The following SLC2A9 variants were observed in gnomAD, a reference collection of about 807,000 sequenced individuals.
SLC2A9 encodes solute carrier family 2, facilitated glucose transporter member 9.
SLC2A9 carries 39 observed loss-of-function variants against 50.6 expected under a neutral mutation model. That is an observed-to-expected ratio of 0.77 (90% confidence interval 0.60 to 1.01). The LOEUF (loss-of-function observed/expected upper bound fraction) is 1.01. Among genes scored for constraint, SLC2A9 ranks in the 50% least tolerant of loss-of-function variants. SLC2A9 has a pLI of 0.00. For synonymous variants in SLC2A9, 324 were observed against 276.9 expected, an observed-to-expected ratio of 1.17 and a Z score of -1.69; for missense variants, 686 against 677.6, an observed-to-expected ratio of 1.01 and a Z score of -0.14.
At chr4:9,791,718 T>A (rs1362495703) in intron 3 of SLC2A9, among the ~76,000 whole-genome samples, 1 of 152,106 alleles carries the variant, frequency 6.6e-6, no homozygotes, top group Non-Finnish European at 1.5e-5. Flanking sequence ...AATAATCACA[T>A]GAGGGAGCTT....
chr4:9,918,543 C>T (rs953149696), intron 7 of SLC2A9, among the ~76,000 whole-genome samples: 1 of 152,224 alleles, frequency 6.6e-6, no homozygotes, highest in African/African-American at 2.4e-5. Context: ...AATCCTTTTA[C>T]TATTCCTCAC....
At chr4:9,914,634 G>C (rs1171483867) in intron 7 of SLC2A9, among the ~76,000 whole-genome samples, 1 of 152,186 alleles carries the variant, frequency 6.6e-6, no homozygotes, top group East Asian at 1.9e-4. Flanking sequence ...TCCCCTCTCT[G>C]TGAGCTCCTA....
intron 5 of SLC2A9, among the ~76,000 whole-genome samples, chr4:9,963,441 T>C (rs1426016883): frequency 6.6e-6 from 1 of 152,200 alleles, no homozygotes; most frequent in Non-Finnish European, 1.5e-5. Context: ...GGTAGCTCAA[T>C]GCTACAGACC....
intron 10 of SLC2A9, among the ~76,000 whole-genome samples, chr4:9,844,430 C>T (rs984130829): frequency 5.3e-5 from 8 of 152,170 alleles, no homozygotes; most frequent in African/African-American, 1.9e-4. Flanking sequence ...AATTTTGAGA[C>T]ATTATCTACT....
At chr4:9,929,191 G>C (rs1455454202) in intron 6 of SLC2A9, among the ~76,000 whole-genome samples, 1 of 152,250 alleles carries the variant, frequency 6.6e-6, no homozygotes, top group Non-Finnish European at 1.5e-5. Context: ...CCCTGAAGTA[G>C]ACACAGTCAG....
intron 3 of SLC2A9, among the ~76,000 whole-genome samples, chr4:9,820,236 C>T (rs1724216405): frequency 6.6e-6 from 1 of 152,070 alleles, no homozygotes; most frequent in South Asian, 2.1e-4. Context: ...AAAGATAATG[C>T]CTTTGCATTT....
intron 3 of SLC2A9, among the ~76,000 whole-genome samples, chr4:9,805,062 T>C (rs2108956327): frequency 6.6e-6 from 1 of 152,334 alleles, no homozygotes; most frequent in Non-Finnish European, 1.5e-5. Context: ...CCTCGCCCTC[T>C]GCCGGCCTGC....
At chr4:9,980,529 C>A (rs565122617) in intron 5 of SLC2A9, 63 bp downstream of exon 5, 9 of 1,610,294 alleles carry the variant, frequency 5.6e-6, no homozygotes, top group African/African-American at 5.3e-5. Context: ...GGAGAAAAGG[C>A]TCCTTCCTGC....
chr4:9,849,018 G>A (rs552126291), intron 10 of SLC2A9, among the ~76,000 whole-genome samples: 3 of 152,314 alleles, frequency 2.0e-5, no homozygotes, highest in African/African-American at 7.2e-5. Flanking sequence ...TCTTTATGCA[G>A]TTGAGGAGAT....
Position 10,019,062 on chromosome 4 carries a change from G to A in SLC2A9, c.162C>T (p.Cys54=), listed in dbSNP as rs377432716. The A allele has an allele frequency of 1.1e-4, 166 of 1,551,238 alleles. No homozygotes were observed. The African/African-American group carries it at 2.0e-3, about 19-fold the overall frequency. ...PGGRRRKDWS[C]SLLVASLAGA... is the part of the protein sequence containing the mutation. The stretch of plus-strand genomic sequence containing the variant: ...CCGCGAGGGAGGCCACGAGGAGCGA[G>A]CAGGACCAGTCCTGAGGGGAGAGGA... The change falls in exon 2 of 12, where the codon TGC becomes TGT. Residue 54 remains cysteine (C), a synonymous_variant. Transcript: ENST00000264784.
intron 4 of SLC2A9, among the ~76,000 whole-genome samples, chr4:9,983,126 C>T (rs1265083920): frequency 6.6e-6 from 1 of 152,224 alleles, no homozygotes; most frequent in Non-Finnish European, 1.5e-5. Context: ...CCTCGGCCTC[C>T]CAAAGTGCTG....
At chr4:9,934,021 C>T (rs889538301) in intron 6 of SLC2A9, among the ~76,000 whole-genome samples, 1 of 152,204 alleles carries the variant, frequency 6.6e-6, no homozygotes, top group Non-Finnish European at 1.5e-5. Context: ...AGCTGATGAG[C>T]AGCCTTAATT....
intron 10 of SLC2A9, among the ~76,000 whole-genome samples, chr4:9,839,069 C>A (rs1727575924): frequency 6.6e-6 from 1 of 152,102 alleles, no homozygotes; most frequent in African/African-American, 2.4e-5. Context: ...AACAGACAAC[C>A]TATAGAATGG....
At chr4:10,000,792 C>T (rs199693089) in intron 2 of SLC2A9, among the ~76,000 whole-genome samples, 2 of 152,268 alleles carry the variant, frequency 1.3e-5, no homozygotes, top group South Asian at 2.1e-4. Flanking sequence ...CAGCCTGTAC[C>T]TCTGCCCCTG....
intron 7 of SLC2A9, among the ~76,000 whole-genome samples, chr4:9,910,732 C>T (rs1310927273): frequency 6.6e-6 from 1 of 152,198 alleles, no homozygotes; most frequent in Non-Finnish European, 1.5e-5. Flanking sequence ...CCCCGTCTTC[C>T]CTGGTTTCAA....
rs148907062 is a variant in SLC2A9 at position 9,826,900 on chromosome 4, C to T, written c.1420-300G>A. 1.6e-3 allele frequency among the ~76,000 whole-genome samples: 251 copies of T among 152,274 alleles called. 3 individuals are homozygous for T. In the East Asian group the frequency reaches 0.02, roughly 12 times the overall value. On this transcript the variant is annotated intron_variant, in intron 11 of 11. Transcript: ENST00000264784. Reference sequence around the variant, plus strand: ...TCACGAAAGCAAAATGGAATGCTTGCTGAATATTAGCTTAAGCTTATATTT... The same window carrying T: ...TCACGAAAGCAAAATGGAATGCTTGTTGAATATTAGCTTAAGCTTATATTT...
chr4:10,000,630 T>C (rs943007191), intron 2 of SLC2A9, among the ~76,000 whole-genome samples: 1 of 152,202 alleles, frequency 6.6e-6, no homozygotes, highest in African/African-American at 2.4e-5. Flanking sequence ...TTTCTATTCA[T>C]GCATGACTGG....
At chr4:10,002,149 T>C (rs973198821) in intron 2 of SLC2A9, among the ~76,000 whole-genome samples, 1 of 152,200 alleles carries the variant, frequency 6.6e-6, no homozygotes, top group Admixed American at 6.5e-5. Context: ...GCGGAGCCCA[T>C]AGGACCAGCT....
chr4:10,029,509 C>A (rs6846692), intron 1 of SLC2A9, among the ~76,000 whole-genome samples: 15 of 151,588 alleles, frequency 9.9e-5, no homozygotes, highest in Middle Eastern at 3.4e-3. Flanking sequence ...TATAAAATCC[C>A]AAAGCCAGGC....
Sources: allele counts gnomAD v4.1 joint callset (sites outside exome capture counted in the v4.1 genomes callset), GRCh38; gene constraint gnomAD v4.1.1; transcripts MANE v1.5; gene names NCBI Gene and HGNC (gene_info 2026-07-23, HGNC 2026-07-21).